OR2L13: variants seen among roughly 807,000 people sequenced by gnomAD.
OR2L13 encodes olfactory receptor 2L13.
OR2L13 carries 14 observed loss-of-function variants against 15.3 expected under a neutral mutation model. That is an observed-to-expected ratio of 0.91 (90% CI 0.60 to 1.43). The LOEUF (loss-of-function observed/expected upper bound fraction) is 1.43, where lower values mean the gene tolerates loss of function less well. Ranked by LOEUF, OR2L13 falls within the 40% of genes most tolerant of loss-of-function variation. OR2L13 has a pLI of 0.00. For synonymous variants in OR2L13, 152 were observed against 142.9 expected, an observed-to-expected ratio of 1.06 and a Z score of -0.45; for missense variants, 367 against 387.9, an observed-to-expected ratio of 0.95 and a Z score of 0.45.
chr1:248,017,377 A>G, the OR2L13 span, among the ~76,000 whole-genome samples: 4 of 152,206 alleles, frequency 2.6e-5, no homozygotes, highest in South Asian at 8.3e-4. Flanking sequence ...AAATAATGTT[A>G]TATGGTAGAA....
chr1:247,969,883 G>GCAGA, the OR2L13 span, among the ~76,000 whole-genome samples: 1 of 152,300 alleles, frequency 6.6e-6, no homozygotes, highest in Non-Finnish European at 1.5e-5. Context: ...TGCTCCTGAT[G>GCAGA]CAGATTATTG....
At chr1:248,062,827 T>A in the OR2L13 span, 2 of 152,332 alleles carry the variant, frequency 1.3e-5, no homozygotes, top group Non-Finnish European at 2.9e-5. Flanking sequence ...TATGCCTTTA[T>A]CAAAGCATCA....
chr1:248,082,272 C>G, the OR2L13 span, among the ~76,000 whole-genome samples: 1 of 141,372 alleles, frequency 7.1e-6, no homozygotes, highest in Non-Finnish European at 1.5e-5. Flanking sequence ...TATTCTCACT[C>G]ATAGGTGGGA....
the OR2L13 span, among the ~76,000 whole-genome samples, chr1:247,982,074 C>G: frequency 6.6e-6 from 1 of 152,188 alleles, no homozygotes; most frequent in African/African-American, 2.4e-5. Flanking sequence ...CTCGGCCTCC[C>G]AAAGTGCTGG....
At chr1:248,038,793 T>G in the OR2L13 span, 4 of 1,614,028 alleles carry the variant, frequency 2.5e-6, no homozygotes, top group Non-Finnish European at 3.4e-6. Context: ...CATCAATCAT[T>G]TTTTCTGTGA....
the OR2L13 span, among the ~76,000 whole-genome samples, chr1:247,983,289 G>A: frequency 0.039 from 5,904 of 152,254 alleles, 355 homozygotes; most frequent in African/African-American, 0.13. Flanking sequence ...GAGACAGTCA[G>A]TAAAAGTTCA....
the OR2L13 span, among the ~76,000 whole-genome samples, chr1:248,067,288 T>G: frequency 6.6e-6 from 1 of 152,210 alleles, no homozygotes; most frequent in East Asian, 1.9e-4. Flanking sequence ...TTCAGCCCCC[T>G]AATAAACTGA....
At chr1:247,971,689 T>C in the OR2L13 span, among the ~76,000 whole-genome samples, 1 of 152,182 alleles carries the variant, frequency 6.6e-6, no homozygotes, top group Non-Finnish European at 1.5e-5. Context: ...AACACCCCAC[T>C]GTCAATATTA....
chr1:248,003,614 A>G, the OR2L13 span: 39 of 1,610,170 alleles, frequency 2.4e-5, no homozygotes, highest in Middle Eastern at 3.3e-4. Flanking sequence ...CACTGTATAT[A>G]TACTCCATAT....
the OR2L13 span, among the ~76,000 whole-genome samples, chr1:248,050,137 CGTA>C: frequency 6.6e-6 from 1 of 152,016 alleles, no homozygotes; most frequent in African/African-American, 2.4e-5. Flanking sequence ...TCACATGAGA[CGTA>C]GTTCAGGTTT....
chr1:248,017,252 T>A, the OR2L13 span, among the ~76,000 whole-genome samples: 1 of 152,184 alleles, frequency 6.6e-6, no homozygotes, highest in Non-Finnish European at 1.5e-5. Context: ...GGGGCACAAG[T>A]AACCTGTTTG....
the OR2L13 span, among the ~76,000 whole-genome samples, chr1:248,033,278 A>C: frequency 1.3e-5 from 2 of 152,148 alleles, no homozygotes; most frequent in African/African-American, 4.8e-5. Context: ...TAAGCATCCA[A>C]TTTCAATATT....
At chr1:248,092,998 C>A (rs551202448), upstream of OR2L13, among the ~76,000 whole-genome samples, 50 of 152,090 alleles carry the variant, frequency 3.3e-4, no homozygotes, top group African/African-American at 1.1e-3. Flanking sequence ...AGGGGCTGAG[C>A]CTTGTGCAAA....
the OR2L13 span, among the ~76,000 whole-genome samples, chr1:247,994,172 G>A: frequency 2.6e-5 from 4 of 152,062 alleles, no homozygotes; most frequent in Non-Finnish European, 4.4e-5. Context: ...CGAGGCGGGC[G>A]GATCACAGGG....
the OR2L13 span, among the ~76,000 whole-genome samples, chr1:247,960,594 C>G: frequency 6.6e-6 from 1 of 152,120 alleles, no homozygotes; most frequent in East Asian, 1.9e-4. Flanking sequence ...GCACCCAGTT[C>G]GAGCCTCCTG....
chr1:247,977,924 A>G, the OR2L13 span, among the ~76,000 whole-genome samples: 1 of 152,098 alleles, frequency 6.6e-6, no homozygotes, highest in Admixed American at 6.6e-5. Context: ...CAGTCCCCAC[A>G]CTTCAGCTCA....
chr1:247,957,185 G>A, the OR2L13 span, among the ~76,000 whole-genome samples: 1 of 152,194 alleles, frequency 6.6e-6, no homozygotes, highest in Non-Finnish European at 1.5e-5. Flanking sequence ...GGCCTTTTCT[G>A]CATCTATTGA....
chr1:247,957,771 G>A, the OR2L13 span, among the ~76,000 whole-genome samples: 9 of 152,162 alleles, frequency 5.9e-5, no homozygotes, highest in African/African-American at 2.2e-4. Flanking sequence ...TTGTATTTCT[G>A]TGGGATCGGT....
the OR2L13 span, chr1:248,022,015 G>T: frequency 1.1e-5 from 18 of 1,613,756 alleles, no homozygotes; most frequent in Admixed American, 2.3e-4. Flanking sequence ...TCAAAAATTG[G>T]CCTTTTCCTC....
Sources: allele counts gnomAD v4.1 joint callset (sites outside exome capture counted in the v4.1 genomes callset), GRCh38; gene constraint gnomAD v4.1.1; transcripts MANE v1.5; gene names NCBI Gene and HGNC (gene_info 2026-07-23, HGNC 2026-07-21).